Variants in EXT1 observed in about 807,000 individuals in gnomAD.
The protein encoded by EXT1 is exostosin-1.
Under a neutral mutation model 82.5 loss-of-function variants are expected in EXT1, and 20 were observed. That is an observed-to-expected ratio of 0.24 (90% CI 0.17 to 0.35). EXT1 has a LOEUF of 0.35. Ranked by LOEUF, EXT1 falls within the 10% of genes least tolerant of loss-of-function variation. The probability of loss-of-function intolerance (pLI) is 1.00; values close to 1 mark genes in which losing one functional copy is unlikely to be tolerated. For missense variants in EXT1, 757 were observed against 936.5 expected (o/e 0.81, Z 2.50); for synonymous variants, 348 against 350.8 (o/e 0.99, Z 0.09).
At chr8:117,936,412 T>C (rs1814163787) in intron 1 of EXT1, among the ~76,000 whole-genome samples, 1 of 152,178 alleles carries the variant, frequency 6.6e-6, no homozygotes, top group South Asian at 2.1e-4. Context: ...AACTTAAATA[T>C]CACAATAAAT....
intron 1 of EXT1, among the ~76,000 whole-genome samples, chr8:117,921,977 T>C (rs1212284583): frequency 3.0e-5 from 1 of 32,966 alleles, no homozygotes; most frequent in Non-Finnish European, 1.2e-4. Flanking sequence ...TTTGTTTTCT[T>C]TTTTTTTTTT....
intron 1 of EXT1, among the ~76,000 whole-genome samples, chr8:118,084,732 G>A (rs573918241): frequency 7.9e-5 from 12 of 152,266 alleles, no homozygotes; most frequent in African/African-American, 1.2e-4. Context: ...CAGTTCATGC[G>A]GTGTTCAAAT....
chr8:117,893,387 C>T (rs1246522041), intron 1 of EXT1, among the ~76,000 whole-genome samples: 2 of 152,218 alleles, frequency 1.3e-5, no homozygotes, highest in African/African-American at 4.8e-5. Flanking sequence ...AAAAGCCACA[C>T]TGTTAATACC....
intron 1 of EXT1, among the ~76,000 whole-genome samples, chr8:117,851,509 A>AT (rs372921849): frequency 1.9e-4 from 28 of 145,108 alleles, no homozygotes; most frequent in East Asian, 4.0e-4. Context: ...CACGTTTCGG[A>AT]TTTTTTTTTT....
chr8:118,089,287 A>T (rs1817481383), intron 1 of EXT1, among the ~76,000 whole-genome samples: 1 of 152,186 alleles, frequency 6.6e-6, no homozygotes, highest in Non-Finnish European at 1.5e-5. Flanking sequence ...ACAGAAAAAG[A>T]CTATAATCAA....
chr8:118,042,166 G>C (rs1376353344), intron 1 of EXT1, among the ~76,000 whole-genome samples: 1 of 152,156 alleles, frequency 6.6e-6, no homozygotes, highest in Non-Finnish European at 1.5e-5. Flanking sequence ...GATACTTGGA[G>C]CACAAAGAAG....
intron 1 of EXT1, among the ~76,000 whole-genome samples, chr8:118,055,194 A>G (rs2129931250): frequency 6.6e-6 from 1 of 152,270 alleles, no homozygotes; most frequent in Non-Finnish European, 1.5e-5. Flanking sequence ...CTGTCATTGT[A>G]CATTAATTTG....
chr8:117,923,169 A>G (rs1813889045), intron 1 of EXT1, among the ~76,000 whole-genome samples: 1 of 152,112 alleles, frequency 6.6e-6, no homozygotes, highest in South Asian at 2.1e-4. Flanking sequence ...TACTAAAAAT[A>G]CAAAAATTAG....
chr8:117,869,627 T>C (rs10103490), intron 1 of EXT1, among the ~76,000 whole-genome samples: 47,426 of 152,122 alleles, frequency 0.31, 8,128 homozygotes, highest in East Asian at 0.45. Context: ...ATATAACTTA[T>C]CACTTTATAC....
chr8:117,847,930 C>T (rs1319908168), intron 1 of EXT1, among the ~76,000 whole-genome samples: 1 of 152,150 alleles, frequency 6.6e-6, no homozygotes, highest in Non-Finnish European at 1.5e-5. Context: ...CAGCTGATGC[C>T]ACCAACCTCA....
chr8:117,852,012 G>T (rs756751627), intron 1 of EXT1, among the ~76,000 whole-genome samples: 57 of 152,172 alleles, frequency 3.7e-4, no homozygotes, highest in Non-Finnish European at 1.9e-4. Flanking sequence ...CTTATTACAT[G>T]CCCAACTCTC....
chr8:117,929,119 A>G (rs756436461), intron 1 of EXT1, among the ~76,000 whole-genome samples: 1 of 152,218 alleles, frequency 6.6e-6, no homozygotes, highest in South Asian at 2.1e-4. Flanking sequence ...TCATACATGT[A>G]CAGTGCATGG....
intron 1 of EXT1, among the ~76,000 whole-genome samples, chr8:117,930,214 G>C (rs536863264): frequency 6.6e-6 from 1 of 152,118 alleles, no homozygotes. Flanking sequence ...ATCCCAACCA[G>C]TGGGACCAGT....
At chr8:117,999,876 C>T (rs1262080174) in intron 1 of EXT1, among the ~76,000 whole-genome samples, 1 of 152,034 alleles carries the variant, frequency 6.6e-6, no homozygotes, top group Non-Finnish European at 1.5e-5. Context: ...AACCTCAGAG[C>T]TGAGCTCAGA....
At chr8:118,053,008 A>G (rs1169193128) in intron 1 of EXT1, among the ~76,000 whole-genome samples, 1 of 152,164 alleles carries the variant, frequency 6.6e-6, no homozygotes, top group Non-Finnish European at 1.5e-5. Flanking sequence ...TGATAAGCCA[A>G]TGCATTCATC....
chr8:117,805,731 G>A (rs1189337651), intron 9 of EXT1, among the ~76,000 whole-genome samples: 1 of 152,116 alleles, frequency 6.6e-6, no homozygotes, highest in African/African-American at 2.4e-5. Flanking sequence ...AAAGACTAAG[G>A]CAAGATTGGT....
At chr8:118,076,095 A>T (rs1348782412) in intron 1 of EXT1, among the ~76,000 whole-genome samples, 1 of 152,230 alleles carries the variant, frequency 6.6e-6, no homozygotes, top group Non-Finnish European at 1.5e-5. Flanking sequence ...TATTCCTAAA[A>T]CAAAACATAA....
At chr8:118,057,929 G>A (rs1299727129) in intron 1 of EXT1, among the ~76,000 whole-genome samples, 5 of 145,186 alleles carry the variant, frequency 3.4e-5, no homozygotes, top group East Asian at 4.1e-4. Context: ...CCAAGATTGC[G>A]CCACTGCACT....
intron 1 of EXT1, among the ~76,000 whole-genome samples, chr8:117,882,643 T>G (rs1813079989): frequency 6.6e-6 from 1 of 152,184 alleles, no homozygotes. Context: ...AAATCAGTCC[T>G]TGGTGCCTAT....
Sources: allele counts gnomAD v4.1 joint callset (sites outside exome capture counted in the v4.1 genomes callset), GRCh38; gene constraint gnomAD v4.1.1; transcripts MANE v1.5; gene names NCBI Gene and HGNC (gene_info 2026-07-23, HGNC 2026-07-21).